ADGRV1: variants seen among roughly 807,000 people sequenced by gnomAD.
ADGRV1 encodes G-protein coupled receptor 98.
In ADGRV1, 359 loss-of-function variants were observed where a neutral mutation model predicts 596.2. The ratio of observed to expected loss-of-function variants is 0.60; its 90% CI spans 0.55 to 0.66. The LOEUF is 0.66. Among genes scored for constraint, ADGRV1 ranks in the 30% least tolerant of loss-of-function variants. ADGRV1 has a pLI of 0.00. For missense variants in ADGRV1, 7,274 were observed against 7,575.6 expected (o/e 0.96, Z 1.48); for synonymous variants, 2,681 against 2,679.2 (o/e 1.00, Z -0.02).
chr5:90,842,175 T>C (rs1237494258), intron 78 of ADGRV1, among the ~76,000 whole-genome samples: 1 of 152,218 alleles, frequency 6.6e-6, no homozygotes, highest in Non-Finnish European at 1.5e-5. Flanking sequence ...AAGTTATGTA[T>C]GTTAACCAAG....
chr5:91,162,913 G>A (rs114811898), intron 89 of ADGRV1, among the ~76,000 whole-genome samples: 74 of 152,250 alleles, frequency 4.9e-4, no homozygotes, highest in African/African-American at 1.8e-3. Flanking sequence ...GAGTCTAGTG[G>A]GGCTGGCCCT....
rs368515215 is a variant in ADGRV1, at chr5:90,935,930, A to G, written c.17857-29485A>G. ...GAGTTGAAGGCTGTAGTGTGTTGTG[A>G]TGGTGCTTGTGAATAATCACTGCAC... On this transcript the variant is annotated intron_variant, in intron 83 of 89. Transcript: ENST00000405460. Among the ~76,000 whole-genome samples, 9 of 152,290 alleles carry G rather than the reference A, an allele frequency of 5.9e-5. No individual in the cohort carries two copies. The East Asian group carries it at 9.6e-4, about 16-fold the overall frequency.
intron 87 of ADGRV1, among the ~76,000 whole-genome samples, chr5:91,141,313 A>G (rs1488410461): frequency 6.6e-6 from 1 of 152,238 alleles, no homozygotes; most frequent in Non-Finnish European, 1.5e-5. Context: ...TTAAGTAATT[A>G]TAGAAGAATT....
intron 87 of ADGRV1, among the ~76,000 whole-genome samples, chr5:91,142,965 G>A (rs930321752): frequency 6.6e-6 from 1 of 152,184 alleles, no homozygotes; most frequent in Non-Finnish European, 1.5e-5. Flanking sequence ...TCATGCTACT[G>A]GCCTGGATCC....
Position 90,685,933 on chromosome 5 carries a change from C to T in ADGRV1, c.6428C>T (p.Thr2143Ile), listed in dbSNP as rs775107694. ...HVGPIINVTR[T>I]GGAFADVSVK... ...GGACCCATTATCAATGTGACTAGAA[C>T]AGGAGGAGCATTTGCAGATGTCTCT... is the stretch of plus-strand genomic sequence containing the variant. Residue 2143 changes from threonine to isoleucine, a missense_variant, in exon 29 of 90, where the codon ACA becomes ATA. Physicochemically the swap from Thr to Ile is moderately conservative, Grantham distance 89 (BLOSUM62 -1). This residue lies in a region of ADGRV1 where 3,643 missense variants were observed against 3,809.2 expected (regional missense o/e 0.96). Coordinates refer to ENST00000405460, the MANE Select transcript of ADGRV1 (RefSeq NM_032119.4). 8 of 1,608,818 alleles carry T rather than the reference C, an allele frequency of 5.0e-6. No individual in the cohort carries two copies. The highest frequency in any genetic ancestry group is 1.7e-4 in the Middle Eastern group (1 of 6,050).
At chr5:90,624,161 A>T (rs1195290217) in intron 5 of ADGRV1, among the ~76,000 whole-genome samples, 2 of 152,216 alleles carry the variant, frequency 1.3e-5, no homozygotes, top group Non-Finnish European at 2.9e-5. Context: ...ACTACACAGA[A>T]CATAGAATAG....
intron 79 of ADGRV1, among the ~76,000 whole-genome samples, chr5:90,852,436 C>T (rs779881410): frequency 1.3e-5 from 2 of 152,160 alleles, no homozygotes; most frequent in Non-Finnish European, 2.9e-5. Context: ...AATATTCTCT[C>T]AACTTTTCCA....
At chr5:91,138,790 T>A (rs981135601) in intron 87 of ADGRV1, among the ~76,000 whole-genome samples, 14 of 150,328 alleles carry the variant, frequency 9.3e-5, no homozygotes, top group African/African-American at 1.7e-4. Flanking sequence ...TTTTTTTTTT[T>A]AAATGGAGAC....
At chr5:91,092,174 C>A (rs545288779) in intron 86 of ADGRV1, among the ~76,000 whole-genome samples, 5 of 152,264 alleles carry the variant, frequency 3.3e-5, no homozygotes, top group African/African-American at 1.2e-4. Context: ...AATCTTGGCT[C>A]ACTGCAACCT....
intron 85 of ADGRV1, among the ~76,000 whole-genome samples, chr5:91,009,065 A>G (rs1158611581): frequency 6.6e-6 from 1 of 152,174 alleles, no homozygotes; most frequent in East Asian, 1.9e-4. Context: ...ATTTATATGC[A>G]GCTTGCTATC....
chr5:90,851,733 A>G (rs1441371571), intron 79 of ADGRV1, among the ~76,000 whole-genome samples: 1 of 152,230 alleles, frequency 6.6e-6, no homozygotes, highest in Non-Finnish European at 1.5e-5. Flanking sequence ...TGAGGGACAT[A>G]GGTGTCATAG....
chr5:90,750,692 G>A lies in ADGRV1; in HGVS notation c.11116G>A (p.Gly3706Arg), dbSNP rs771220294. 1.9e-6 allele frequency: 3 copies of A among 1,610,824 alleles called. No individual in the cohort carries two copies. Among genetic ancestry groups the A allele is most frequent in the African/African-American group, 1.3e-5 (1 of 74,816 alleles). Residue 3706 changes from glycine (G) to arginine (R), a missense_variant, in exon 53 of 90, where the codon GGA becomes AGA. Gly to Arg is a moderately radical substitution (Grantham distance 125). Around this residue, in one of 5 missense-constraint regions of ADGRV1, gnomAD observed 3,643 missense variants for 3,809.2 expected, o/e 0.96. Transcript: ENST00000405460. ...TATTAGTGATATATTTCCTACCTCAGGAGTGGTATGTAATTTACAAAGTTA... is the reference window on the plus strand; with the variant it reads ...TATTAGTGATATATTTCCTACCTCAAGAGTGGTATGTAATTTACAAAGTTA... ...GSISDIFPTSGVILFTEGQVL... is the reference protein window; with the variant it reads ...GSISDIFPTSRVILFTEGQVL...
intron 21 of ADGRV1, among the ~76,000 whole-genome samples, chr5:90,666,575 C>G (rs950765298): frequency 7.9e-6 from 1 of 126,302 alleles, no homozygotes; most frequent in South Asian, 2.7e-4. Context: ...ATTTGCCAGT[C>G]TGTGTCTTTT....
chr5:90,683,007 C>T (rs1339243536), intron 27 of ADGRV1, among the ~76,000 whole-genome samples: 1 of 152,098 alleles, frequency 6.6e-6, no homozygotes, highest in Non-Finnish European at 1.5e-5. Context: ...ACCATTTATA[C>T]ATTCCTTGCA....
chr5:90,861,187 G>T, intron 82 of ADGRV1, among the ~76,000 whole-genome samples: 1 of 151,994 alleles, frequency 6.6e-6, no homozygotes, highest in East Asian at 1.9e-4. Flanking sequence ...TTAGCTGCTT[G>T]TTTTATCTAC....
At chr5:90,633,991 C>A (rs762668562) in intron 9 of ADGRV1, among the ~76,000 whole-genome samples, 1 of 152,156 alleles carries the variant, frequency 6.6e-6, no homozygotes, top group Non-Finnish European at 1.5e-5. Context: ...ATTTAAATCA[C>A]AGGTCTACTG....
At chr5:90,622,071 C>T (rs544436923) in intron 4 of ADGRV1, among the ~76,000 whole-genome samples, 5 of 152,186 alleles carry the variant, frequency 3.3e-5, no homozygotes, top group Non-Finnish European at 7.3e-5. Flanking sequence ...CCTGAGTTTC[C>T]ACCAGCTGAA....
intron 83 of ADGRV1, among the ~76,000 whole-genome samples, chr5:90,918,582 A>G (rs1049496080): frequency 6.6e-6 from 1 of 152,158 alleles, no homozygotes; most frequent in Non-Finnish European, 1.5e-5. Context: ...AACTTTGGAT[A>G]CTAAGTTTCT....
intron 57 of ADGRV1, among the ~76,000 whole-genome samples, chr5:90,758,190 G>A (rs911337931): frequency 1.3e-5 from 2 of 152,002 alleles, no homozygotes; most frequent in East Asian, 1.9e-4. Flanking sequence ...AAAATTAGCC[G>A]GGCGTGGTGG....
Sources: gnomAD v4.1 joint callset for allele counts (sites outside exome capture counted in the v4.1 genomes callset) on GRCh38, gnomAD v4.1.1 for gene constraint, gnomAD v4.1.1 regional missense constraint, MANE v1.5 for transcripts, NCBI Gene and HGNC (gene_info 2026-07-23, HGNC 2026-07-21) for gene names.